Variants in NINL observed in about 807,000 individuals in gnomAD.
NINL encodes ninein like.
A neutral mutation model predicts 160.3 loss-of-function variants in NINL; 153 were observed. That is an observed-to-expected ratio of 0.95 (90% CI 0.84 to 1.09). The LOEUF is 1.09. Ranked by LOEUF, NINL falls within the 50% of genes least tolerant of loss-of-function variation. NINL has a pLI of 0.00. For synonymous variants in NINL, 800 were observed against 734.8 expected (o/e 1.09, Z -1.43); for missense variants, 1,829 against 1,764.0 (o/e 1.04, Z -0.66).
intron 1 of NINL, among the ~76,000 whole-genome samples, chr20:25,546,540 A>T (rs1201203955): frequency 4.6e-5 from 7 of 152,158 alleles, no homozygotes; most frequent in Admixed American, 4.6e-4. Flanking sequence ...CTAAATAGGA[A>T]AGAATAAAAT....
rs375277470 is a variant in NINL, at chr20:25,476,341, G to A, written c.2950C>T (p.Arg984Ter). The A allele has an allele frequency of 3.0e-5, 48 of 1,612,376 alleles. No individual in the cohort carries two copies. The highest frequency in any genetic ancestry group is 3.6e-5 in the Non-Finnish European group (43 of 1,179,926). Residue 984 changes from arginine (R) to a stop codon, truncating the protein, a stop_gained, in exon 17 of 24, where the codon CGA becomes TGA. Coordinates refer to ENST00000278886, the MANE Select transcript of NINL (RefSeq NM_025176.6). LOFTEE classifies it high-confidence loss of function. ...RLQAIQEERA[R>*]SWSRGTQEQA... ...TCCTGGGTGCCCCTGCTCCAGCTTC[G>A]TGCTCGCTCTTCCTGAATGGCCTGT...
At chr20:25,502,870 C>T (rs1457861398) in intron 7 of NINL, among the ~76,000 whole-genome samples, 1 of 152,218 alleles carries the variant, frequency 6.6e-6, no homozygotes, top group Non-Finnish European at 1.5e-5. Context: ...ATGCTTCCTG[C>T]ACAGCCTGCA....
chr20:25,458,465 A>G lies in NINL; in HGVS notation c.3761T>C (p.Val1254Ala), dbSNP rs905549295. 1.9e-6 allele frequency: 3 copies of G among 1,603,428 alleles called. No individual in the cohort carries two copies. The South Asian group carries it at 3.3e-5, about 18-fold the overall frequency. ...QAQHLQEVRL[V>A]PQDRVAELHR... ...CAGCTCGGCCACACGGTCCTGGGGC[A>G]CCAGCCGGACCTCCTGCAAGTGCTG... Residue 1254 changes from valine (V) to alanine (A), a missense_variant, in exon 22 of 24, where the codon GTG (valine) becomes GCG (alanine). Physicochemically the swap from Val to Ala is moderately conservative, Grantham distance 64. Transcript: ENST00000278886.
chr20:25,455,864 G>A (rs550172413), intron 22 of NINL, 78 bp from the exon 23 acceptor site: 34 of 1,157,312 alleles, frequency 2.9e-5, no homozygotes, highest in Non-Finnish European at 4.1e-5. Context: ...AGGCCGAGGC[G>A]GGCGGATCAC....
At chr20:25,528,663 C>CA (rs1223144984) in intron 1 of NINL, among the ~76,000 whole-genome samples, 1 of 151,886 alleles carries the variant, frequency 6.6e-6, no homozygotes, top group East Asian at 1.9e-4. Flanking sequence ...TACTAAAACA[C>CA]AAAAAACATT....
At chr20:25,528,184 C>T (rs1012846835) in intron 1 of NINL, among the ~76,000 whole-genome samples, 4 of 152,040 alleles carry the variant, frequency 2.6e-5, no homozygotes, top group Admixed American at 6.6e-5. Context: ...TGCATACCAC[C>T]GTGCCCAGCT....
intron 1 of NINL, among the ~76,000 whole-genome samples, chr20:25,582,948 G>T (rs201404988): frequency 1.3e-5 from 2 of 152,166 alleles, no homozygotes. Flanking sequence ...ACAGAAACTG[G>T]ACTCCTTCCT....
intron 1 of NINL, among the ~76,000 whole-genome samples, chr20:25,584,782 G>A (rs546158584): frequency 6.6e-6 from 1 of 152,306 alleles, no homozygotes; most frequent in African/African-American, 2.4e-5. Flanking sequence ...TCCTAACAAT[G>A]GGGCATCAGT....
Position 25,498,217 on chromosome 20 carries a change from A to T in NINL, c.1162T>A (p.Tyr388Asn), listed in dbSNP as rs2063797625. ...ALACYHQELSYQQGQVEQLAR... is the reference protein window; with the variant it reads ...ALACYHQELSNQQGQVEQLAR... ...TCCCCTGTGGCCTCTTACTGCTGGT[A>T]GCTCAGCTCCTGGTGGTAGCAGGCC... The change falls in exon 9 of 24, where the codon TAC (tyrosine) becomes AAC (asparagine). Residue 388 changes from tyrosine to asparagine, a missense_variant. By Grantham distance (143) the Tyr-to-Asn change is moderately radical. Coordinates refer to ENST00000278886, the MANE Select transcript of NINL (RefSeq NM_025176.6). 7 of 1,612,668 alleles carry T rather than the reference A, an allele frequency of 4.3e-6. No individual in the cohort carries two copies. The East Asian group carries it at 1.6e-4, about 36-fold the overall frequency.
intron 1 of NINL, among the ~76,000 whole-genome samples, chr20:25,568,429 A>T (rs1436375349): frequency 1.3e-5 from 2 of 151,580 alleles, no homozygotes; most frequent in Non-Finnish European, 2.9e-5. Context: ...TTTTTTAAAG[A>T]CAGACTCTCA....
At chr20:25,487,647 T>C (rs2063530347) in intron 13 of NINL, among the ~76,000 whole-genome samples, 1 of 152,170 alleles carries the variant, frequency 6.6e-6, no homozygotes. Flanking sequence ...TAACTTTTGG[T>C]AAATTAAAAC....
At chr20:25,455,304 G>A (rs2090639769) in intron 23 of NINL, among the ~76,000 whole-genome samples, 2 of 152,196 alleles carry the variant, frequency 1.3e-5, no homozygotes, top group African/African-American at 2.4e-5. Flanking sequence ...CCGAGGTCAT[G>A]TATGCTCTAT....
At chr20:25,575,932 T>G (rs2065110347) in intron 1 of NINL, among the ~76,000 whole-genome samples, 1 of 152,134 alleles carries the variant, frequency 6.6e-6, no homozygotes, top group Non-Finnish European at 1.5e-5. Context: ...GCTCCTCTCC[T>G]TCTCCATTTG....
chr20:25,576,605 C>T (rs1370639888), intron 1 of NINL, among the ~76,000 whole-genome samples: 2 of 151,890 alleles, frequency 1.3e-5, no homozygotes, highest in Non-Finnish European at 2.9e-5. Context: ...ACCACAGGCA[C>T]ATGCCACTGT....
chr20:25,482,331 T>C (rs543465664), intron 13 of NINL, among the ~76,000 whole-genome samples: 1 of 152,310 alleles, frequency 6.6e-6, no homozygotes, highest in African/African-American at 2.4e-5. Context: ...TAAAAACTTT[T>C]ATTTTTACTG....
intron 3 of NINL, among the ~76,000 whole-genome samples, chr20:25,516,106 T>C (rs999094875): frequency 6.6e-6 from 1 of 152,098 alleles, no homozygotes; most frequent in African/African-American, 2.4e-5. Flanking sequence ...GTGTAGCACC[T>C]CCCGCTTCAC....
intron 3 of NINL, among the ~76,000 whole-genome samples, chr20:25,515,691 C>A (rs761929842): frequency 2.0e-5 from 3 of 152,152 alleles, no homozygotes; most frequent in Non-Finnish European, 4.4e-5. Flanking sequence ...ATCATGGAGG[C>A]AGAACTTCCC....
chr20:25,515,555 C>T (rs1330247591), intron 3 of NINL, among the ~76,000 whole-genome samples: 1 of 152,098 alleles, frequency 6.6e-6, no homozygotes, highest in Non-Finnish European at 1.5e-5. Context: ...GTGAGAAGGA[C>T]ATGCATGAGA....
intron 16 of NINL, among the ~76,000 whole-genome samples, chr20:25,478,325 C>G (rs1220433994): frequency 1.3e-5 from 2 of 152,178 alleles, no homozygotes; most frequent in African/African-American, 4.8e-5. Context: ...AAGCCGGGGC[C>G]AATGCTCTCC....
Sources: gnomAD v4.1 joint callset for allele counts (sites outside exome capture counted in the v4.1 genomes callset) on GRCh38, gnomAD v4.1.1 for gene constraint, MANE v1.5 for transcripts, NCBI Gene and HGNC (gene_info 2026-07-23, HGNC 2026-07-21) for gene names.